The following RORA variants were observed in gnomAD, a reference collection of about 807,000 sequenced individuals.
RORA encodes the protein nuclear receptor ROR-alpha.
Under a neutral mutation model 69.5 loss-of-function variants are expected in RORA, and 7 were observed. That is an observed-to-expected ratio of 0.10 (90% CI 0.06 to 0.19). The LOEUF (loss-of-function observed/expected upper bound fraction) is 0.19. RORA is among the 10% of genes least tolerant of loss of function. The pLI, the probability that RORA is intolerant of heterozygous loss-of-function variation, is 1.00. For missense variants in RORA, 457 were observed against 663.0 expected, an observed-to-expected ratio of 0.69 and a Z score of 3.41; for synonymous variants, 261 against 240.8, an observed-to-expected ratio of 1.08 and a Z score of -0.78.
At chr15:60,585,531 A>G (rs1326463639) in intron 2 of RORA, among the ~76,000 whole-genome samples, 1 of 152,208 alleles carries the variant, frequency 6.6e-6, no homozygotes, top group African/African-American at 2.4e-5. Flanking sequence ...TTTGAAAAAG[A>G]AAAGCTCTAG....
At position 60,972,740 on chromosome 15, in the gene RORA, AAAT is replaced by A. The variant is rs372481131; in HGVS notation, c.166+256310_166+256312del. ...CTCAGTTTCATCATCTATCAAATGG[AAAT>A]AATAATATTACTTACTACATAGGGA... On this transcript the variant is annotated intron_variant, in intron 1 of 10. Transcript: ENST00000335670. Among the ~76,000 whole-genome samples the A allele has an allele frequency of 5.5e-3, 841 of 152,330 alleles. 6 individuals are homozygous for A. Among genetic ancestry groups the A allele is most frequent in the African/African-American group, 0.019 (801 of 41,568 alleles).
rs1891158821 is a variant in RORA, at chr15:60,894,052, GAC to G, written c.167-215368_167-215367del. On this transcript the variant is annotated intron_variant, in intron 1 of 10. Transcript: ENST00000335670. Reference sequence around the variant, plus strand: ...CGGGAAGACCCCATGGCCACCCCCAGACACTTCCCATGATGCTCCTCTCCTCA... The same window carrying G: ...CGGGAAGACCCCATGGCCACCCCCAGACTTCCCATGATGCTCCTCTCCTCA... 6.6e-5 allele frequency among the ~76,000 whole-genome samples: 10 copies of G among 152,108 alleles called. No individual in the cohort carries two copies. The South Asian group carries it at 2.1e-3, about 32-fold the overall frequency.
At chr15:61,150,398 T>C (rs1004845876) in intron 1 of RORA, among the ~76,000 whole-genome samples, 3 of 151,196 alleles carry the variant, frequency 2.0e-5, no homozygotes, top group East Asian at 1.9e-4. Context: ...ACAAATAATA[T>C]GTACATACAA....
intron 1 of RORA, among the ~76,000 whole-genome samples, chr15:61,195,558 A>G (rs2079839182): frequency 1.3e-5 from 2 of 152,154 alleles, no homozygotes; most frequent in Admixed American, 6.5e-5. Flanking sequence ...CATGGACCTC[A>G]GCCTCTTCAT....
chr15:61,142,161 T>C (rs1434183699), intron 1 of RORA, among the ~76,000 whole-genome samples: 2 of 152,090 alleles, frequency 1.3e-5, no homozygotes, highest in Non-Finnish European at 2.9e-5. Flanking sequence ...TTTTTTTTAT[T>C]GTTGTTACCC....
intron 1 of RORA, among the ~76,000 whole-genome samples, chr15:60,828,631 A>G (rs1051422468): frequency 6.6e-6 from 1 of 152,196 alleles, no homozygotes; most frequent in African/African-American, 2.4e-5. Context: ...TCAAAGAGAA[A>G]GCTCCTGGGA....
intron 2 of RORA, among the ~76,000 whole-genome samples, chr15:60,600,466 TTCA>T (rs1251539767): frequency 2.6e-5 from 4 of 152,208 alleles, no homozygotes; most frequent in Admixed American, 2.6e-4. Flanking sequence ...TAGGATGGGA[TTCA>T]TCTGGGCTGA....
chr15:60,743,697 T>C (rs2071609249), intron 1 of RORA, among the ~76,000 whole-genome samples: 1 of 152,198 alleles, frequency 6.6e-6, no homozygotes, highest in African/African-American at 2.4e-5. Context: ...CCAGACAGTA[T>C]GACTCTGATT....
chr15:60,922,127 T>C (rs1892066947), intron 1 of RORA, among the ~76,000 whole-genome samples: 1 of 152,168 alleles, frequency 6.6e-6, no homozygotes. Flanking sequence ...AATAACTCTT[T>C]TAGAAAACAT....
intron 1 of RORA, among the ~76,000 whole-genome samples, chr15:60,690,524 G>A (rs377056431): frequency 6.6e-6 from 1 of 152,234 alleles, no homozygotes; most frequent in East Asian, 1.9e-4. Context: ...CCACAGGAGA[G>A]AGAAGCCAGC....
chr15:60,577,386 G>A (rs141524402), intron 2 of RORA, among the ~76,000 whole-genome samples: 87 of 152,308 alleles, frequency 5.7e-4, no homozygotes, highest in African/African-American at 2.0e-3. Flanking sequence ...GCTCACGCCT[G>A]TAATCCCAGT....
chr15:61,022,694 AAG>A (rs1895593021), intron 1 of RORA, among the ~76,000 whole-genome samples: 1 of 152,192 alleles, frequency 6.6e-6, no homozygotes, highest in African/African-American at 2.4e-5. Context: ...CATTGTGGCA[AAG>A]AGTGTACAGA....
intron 1 of RORA, among the ~76,000 whole-genome samples, chr15:60,906,999 A>C (rs980980093): frequency 5.3e-5 from 8 of 152,170 alleles, no homozygotes; most frequent in African/African-American, 1.9e-4. Flanking sequence ...GTGTGACTCA[A>C]AATGCTCCAA....
At chr15:60,976,163 C>CGTG (rs1003087467) in intron 1 of RORA, among the ~76,000 whole-genome samples, 5 of 152,156 alleles carry the variant, frequency 3.3e-5, no homozygotes, top group Admixed American at 6.5e-5. Flanking sequence ...GCTCGGAGTG[C>CGTG]GTGGGCCTGG....
intron 1 of RORA, among the ~76,000 whole-genome samples, chr15:60,947,312 G>T (rs1268123187): frequency 6.7e-6 from 1 of 148,994 alleles, no homozygotes; most frequent in Non-Finnish European, 1.5e-5. Flanking sequence ...TGTGGAAAGA[G>T]GTAGACATAG....
chr15:60,659,406 T>G (rs1164342550), intron 2 of RORA, among the ~76,000 whole-genome samples: 4 of 152,064 alleles, frequency 2.6e-5, no homozygotes, highest in African/African-American at 9.7e-5. Flanking sequence ...CTCTAGTCCA[T>G]CCAACAATCA....
chr15:60,763,303 A>T (rs1165515862), intron 1 of RORA, among the ~76,000 whole-genome samples: 1 of 152,042 alleles, frequency 6.6e-6, no homozygotes, highest in East Asian at 1.9e-4. Flanking sequence ...TATGATTTAG[A>T]TGTTTCCCCC....
At chr15:60,544,208 C>T (rs1398727254) in intron 2 of RORA, among the ~76,000 whole-genome samples, 1 of 152,196 alleles carries the variant, frequency 6.6e-6, no homozygotes, top group Non-Finnish European at 1.5e-5. Context: ...CAGAGCCAGT[C>T]CTGCTGTATT....
Position 60,511,089 on chromosome 15 carries a change from G to C in RORA, c.820+137C>G. 4 of 918,756 alleles carry C rather than the reference G, an allele frequency of 4.4e-6. No individual in the cohort carries two copies. Among genetic ancestry groups the C allele is most frequent in the Non-Finnish European group, 6.5e-6 (4 of 617,798 alleles). 56.9% of individuals were successfully genotyped at this position (918,756 alleles called of 1,614,324 possible). Reference sequence around the variant, plus strand: ...CAGAGGGTCAAAAGCAAGGGGGCAGGGCAGAAAATTAAGTGGCCCAAATGG... The same window carrying C: ...CAGAGGGTCAAAAGCAAGGGGGCAGCGCAGAAAATTAAGTGGCCCAAATGG... On this transcript the variant is annotated intron_variant, in intron 5 of 10. Transcript: ENST00000335670. The surrounding 1 kb of genome is among the most constrained non-coding windows in gnomAD (Gnocchi z 6.4).
Sources: allele counts gnomAD v4.1 joint callset (sites outside exome capture counted in the v4.1 genomes callset), GRCh38; gene constraint gnomAD v4.1.1; non-coding constraint Gnocchi (gnomAD v3.1); transcripts MANE v1.5; gene names NCBI Gene and HGNC (gene_info 2026-07-23, HGNC 2026-07-21).